AAK1: variants seen among roughly 807,000 people sequenced by gnomAD.
The protein encoded by AAK1 is AP2 associated kinase 1, also known as AP2-associated protein kinase 1.
In AAK1, 37 loss-of-function variants were observed where a neutral mutation model predicts 116.0. The observed-to-expected ratio is 0.32, with a 90% CI of 0.25 to 0.42. The LOEUF is 0.42. AAK1 is among the 10% of genes least tolerant of loss of function. The pLI is 1.00. For missense variants in AAK1, 919 were observed against 1,170.6 expected (o/e 0.79, Z 3.14); for synonymous variants, 458 against 439.9 (o/e 1.04, Z -0.51).
intron 16 of AAK1, among the ~76,000 whole-genome samples, chr2:69,503,213 A>G (rs1242407420): frequency 6.6e-6 from 1 of 152,230 alleles, no homozygotes; most frequent in Non-Finnish European, 1.5e-5. Flanking sequence ...ATCAAATATT[A>G]TTAAATGACA....
chr2:69,534,770 G>T (rs1015440248), intron 5 of AAK1, among the ~76,000 whole-genome samples: 5 of 152,220 alleles, frequency 3.3e-5, no homozygotes, highest in African/African-American at 7.2e-5. Context: ...AGAGTGAGCA[G>T]TTATGACAGA....
chr2:69,627,369 G>A (rs1674954818), intron 2 of AAK1, among the ~76,000 whole-genome samples: 3 of 151,880 alleles, frequency 2.0e-5, no homozygotes, highest in African/African-American at 4.8e-5. Context: ...TAAATAATAA[G>A]CAAGAAAATC....
chr2:69,568,682 C>T (rs895050654), intron 2 of AAK1, among the ~76,000 whole-genome samples: 1 of 152,148 alleles, frequency 6.6e-6, no homozygotes, highest in Non-Finnish European at 1.5e-5. Context: ...AACTGGTCTC[C>T]AGACACAACT....
chr2:69,568,373 T>C (rs568427988), intron 2 of AAK1, among the ~76,000 whole-genome samples: 2 of 152,100 alleles, frequency 1.3e-5, no homozygotes, highest in East Asian at 3.9e-4. Flanking sequence ...GTGAGTTTAG[T>C]AGCCAGGTTA....
chr2:69,506,072 C>T (rs1279172660), intron 15 of AAK1, among the ~76,000 whole-genome samples: 1 of 151,916 alleles, frequency 6.6e-6, no homozygotes, highest in Non-Finnish European at 1.5e-5. Context: ...TTTAGGAGAG[C>T]AAATGAGAAG....
At chr2:69,504,470 A>T (rs1192933052) in intron 16 of AAK1, among the ~76,000 whole-genome samples, 1 of 150,754 alleles carries the variant, frequency 6.6e-6, no homozygotes, top group Non-Finnish European at 1.5e-5. Flanking sequence ...AAGAGTGTAC[A>T]AAATTGTGGT....
Position 69,594,943 on chromosome 2 carries a change from C to T in AAK1, c.164-37965G>A, listed in dbSNP as rs749956599. On this transcript the variant is annotated intron_variant, in intron 2 of 21. Transcript: ENST00000409085. The stretch of plus-strand genomic sequence containing the variant: ...ACAGCCACTCTGCTTCCTGTCATAA[C>T]GCCACTTTCCCTGGGCATACAGAGA... 41 of 965,498 alleles carry T rather than the reference C, an allele frequency of 4.2e-5. 1 individual carries two copies. The highest frequency in any genetic ancestry group is 1.1e-4 in the South Asian group (9 of 78,318). The allele number at this position is 965,498 out of a possible 1,614,324, so 59.8% of individuals were successfully genotyped here. A position where few individuals can be genotyped will look rare whatever the true frequency, so the allele number is the denominator to read the frequency against.
intron 17 of AAK1, among the ~76,000 whole-genome samples, chr2:69,483,099 GT>G (rs747909747): frequency 6.6e-6 from 1 of 152,256 alleles, no homozygotes; most frequent in East Asian, 1.9e-4. Flanking sequence ...TACAATAAAA[GT>G]CGCCCATTTT....
rs188108615 is a variant in AAK1, at chr2:69,537,455, C to T, written c.534+5068G>A. ...ACCAGCAGACCCACAGGCAGAGTGG[C>T]GCTGGCTCCACAAGGCCCGAAGTAG... On this transcript the variant is annotated intron_variant, in intron 5 of 21. Coordinates refer to ENST00000409085, the MANE Select transcript of AAK1 (RefSeq NM_014911.5). Among the ~76,000 whole-genome samples, 31 of 152,230 alleles carry T rather than the reference C, an allele frequency of 2.0e-4. No individual in the cohort carries two copies. The East Asian group carries it at 3.3e-3, about 16-fold the overall frequency.
At chr2:69,530,259 A>G (rs759799674) in intron 7 of AAK1, 119 bp from the exon 8 acceptor site, 7 of 1,051,052 alleles carry the variant, frequency 6.7e-6, no homozygotes, top group Non-Finnish European at 9.2e-6. Flanking sequence ...ATAGACTATT[A>G]ATGTATTAGA....
chr2:69,611,304 T>C (rs908900132), intron 2 of AAK1, among the ~76,000 whole-genome samples: 2 of 152,230 alleles, frequency 1.3e-5, no homozygotes, highest in African/African-American at 4.8e-5. Flanking sequence ...CTTCCTCTCC[T>C]CCTGCCCTTG....
intron 10 of AAK1, among the ~76,000 whole-genome samples, chr2:69,522,601 T>G (rs1669835246): frequency 1.3e-5 from 2 of 152,092 alleles, no homozygotes; most frequent in Admixed American, 1.3e-4. Flanking sequence ...GTCAGGAGTT[T>G]GAGACCAGCC....
chr2:69,473,492 C>T lies in AAK1; in HGVS notation c.*2377G>A. 2 of 985,432 alleles carry T rather than the reference C, an allele frequency of 2.0e-6. No homozygotes were observed. Among genetic ancestry groups the T allele is most frequent in the Non-Finnish European group, 2.4e-6 (2 of 829,930 alleles). The allele number at this position is 985,432 out of a possible 1,614,324, so 61.0% of individuals were successfully genotyped here. A position where few individuals can be genotyped will look rare whatever the true frequency, so the allele number is the denominator to read the frequency against. On this transcript the variant is annotated 3_prime_UTR_variant, in exon 22 of 22. Coordinates refer to ENST00000409085, the MANE Select transcript of AAK1 (RefSeq NM_014911.5). ...GGCCTTACTCTAAATAAGCCCAAGA[C>T]AATTTCTTGTCATTATCTCCCTTAG...
At chr2:69,533,605 G>C (rs1043966114) in intron 5 of AAK1, among the ~76,000 whole-genome samples, 1 of 152,170 alleles carries the variant, frequency 6.6e-6, no homozygotes, top group Non-Finnish European at 1.5e-5. Flanking sequence ...TGGTGGTGTT[G>C]TGAGGAGCTT....
intron 2 of AAK1, among the ~76,000 whole-genome samples, chr2:69,595,451 T>C (rs1278680000): frequency 2.0e-5 from 3 of 152,202 alleles, no homozygotes; most frequent in African/African-American, 4.8e-5. Context: ...ATGAATGATA[T>C]GGATAAAGTT....
In AAK1 at chr2:69,553,497, G is replaced by A. The variant is rs899000333; in HGVS notation, c.282+3363C>T. Among the ~76,000 whole-genome samples the A allele has an allele frequency of 4.3e-4, 57 of 132,602 alleles. 1 individual carries two copies. The highest frequency in any genetic ancestry group is 1.2e-3 in the Admixed American group (13 of 11,162). The allele number at this position is 132,602 out of a possible 152,430, so 87.0% of individuals were successfully genotyped here. A position where few individuals can be genotyped will look rare whatever the true frequency, so the allele number is the denominator to read the frequency against. ...TCTAGCTCTGTCACCAGGCTGGAGT[G>A]TAGTGGCGTGATGTTGGCTCACTGT... On this transcript the variant is annotated intron_variant, in intron 3 of 21. Transcript: ENST00000409085.
At chr2:69,565,463 T>G (rs1398527053) in intron 2 of AAK1, among the ~76,000 whole-genome samples, 2 of 152,216 alleles carry the variant, frequency 1.3e-5, no homozygotes, top group Non-Finnish European at 2.9e-5. Flanking sequence ...CTTGACCAAC[T>G]GGGAAACTAA....
intron 6 of AAK1, among the ~76,000 whole-genome samples, chr2:69,531,098 G>A (rs1355426912): frequency 6.6e-6 from 1 of 152,218 alleles, no homozygotes; most frequent in Non-Finnish European, 1.5e-5. Context: ...AATACTGACT[G>A]TGGTACTCTG....
rs569976937 is a variant in AAK1, at chr2:69,548,825, G to A, written c.283-4281C>T. Reference sequence around the variant, plus strand: ...TCACCATCTTGGCCAGGATGGTCTCGATCTCTTGACCTCGTGATCCACCTG... The same window carrying A: ...TCACCATCTTGGCCAGGATGGTCTCAATCTCTTGACCTCGTGATCCACCTG... On this transcript the variant is annotated intron_variant, in intron 3 of 21. Coordinates refer to ENST00000409085, the MANE Select transcript of AAK1 (RefSeq NM_014911.5). Among the ~76,000 whole-genome samples, 4 of 151,986 alleles carry A rather than the reference G, an allele frequency of 2.6e-5. No homozygotes were observed. In the East Asian group the frequency reaches 5.8e-4, roughly 22 times the overall value.
Sources: gnomAD v4.1 joint callset for allele counts (sites outside exome capture counted in the v4.1 genomes callset) on GRCh38, gnomAD v4.1.1 for gene constraint, MANE v1.5 for transcripts, NCBI Gene and HGNC (gene_info 2026-07-23, HGNC 2026-07-21) for gene names.